The following PRKD1 variants were observed in gnomAD, a reference collection of about 807,000 sequenced individuals.
The protein encoded by PRKD1 is serine/threonine-protein kinase D1.
In PRKD1, 63 loss-of-function variants were observed where a neutral mutation model predicts 95.9. That is an observed-to-expected ratio of 0.66 (90% CI 0.54 to 0.81). The LOEUF is 0.81. Ranked by LOEUF, PRKD1 falls within the 30% of genes least tolerant of loss-of-function variation. The pLI is 0.00. For missense variants in PRKD1, 1,048 were observed against 1,165.3 expected (o/e 0.90, Z 1.47); for synonymous variants, 425 against 423.1 (o/e 1.00, Z -0.05).
chr14:29,873,659 T>C (rs185560981), intron 1 of PRKD1, among the ~76,000 whole-genome samples: 155 of 152,322 alleles, frequency 1.0e-3, no homozygotes, highest in Non-Finnish European at 1.7e-3. Flanking sequence ...ATATGTAAGA[T>C]GCATTTTAGT....
chr14:29,741,086 A>C (rs567066794), intron 1 of PRKD1, among the ~76,000 whole-genome samples: 1 of 152,206 alleles, frequency 6.6e-6, no homozygotes, highest in South Asian at 2.1e-4. Context: ...AAGGAACAAC[A>C]GACATTATTG....
chr14:29,813,980 A>G (rs1228131844), intron 1 of PRKD1, among the ~76,000 whole-genome samples: 2 of 152,222 alleles, frequency 1.3e-5, no homozygotes, highest in Non-Finnish European at 2.9e-5. Context: ...TGGAATTTGA[A>G]TTTCAAAGAT....
intron 1 of PRKD1, among the ~76,000 whole-genome samples, chr14:29,755,199 G>A (rs1887642475): frequency 1.3e-5 from 2 of 151,908 alleles, no homozygotes; most frequent in African/African-American, 4.8e-5. Context: ...TAAGACAGGT[G>A]GTCATTTCAT....
chr14:29,748,601 C>T (rs749898355), intron 1 of PRKD1, among the ~76,000 whole-genome samples: 5 of 152,212 alleles, frequency 3.3e-5, no homozygotes, highest in African/African-American at 9.6e-5. Context: ...CATATGTTTA[C>T]TTGAAGCCCC....
At chr14:29,925,961 A>C (rs1025693711) in intron 1 of PRKD1, among the ~76,000 whole-genome samples, 8 of 152,172 alleles carry the variant, frequency 5.3e-5, no homozygotes, top group African/African-American at 1.9e-4. Flanking sequence ...GCATGATATG[A>C]CTTACATCAG....
intron 2 of PRKD1, among the ~76,000 whole-genome samples, chr14:29,683,075 G>T (rs535305253): frequency 6.6e-6 from 1 of 152,174 alleles, no homozygotes; most frequent in Non-Finnish European, 1.5e-5. Context: ...GATGGTGTGA[G>T]ATCATGGCCA....
chr14:29,808,868 G>T (rs1036375748), intron 1 of PRKD1, among the ~76,000 whole-genome samples: 1 of 152,110 alleles, frequency 6.6e-6, no homozygotes, highest in Non-Finnish European at 1.5e-5. Context: ...ATTCTTAATG[G>T]CATTTAGAAT....
At chr14:29,924,443 A>G (rs1470252174) in intron 1 of PRKD1, among the ~76,000 whole-genome samples, 1 of 152,186 alleles carries the variant, frequency 6.6e-6, no homozygotes, top group Non-Finnish European at 1.5e-5. Flanking sequence ...AGCCTTGTAC[A>G]CCTCAGTTGC....
intron 16 of PRKD1, chr14:29,591,314 C>T (rs964871572): frequency 4.6e-5 from 7 of 151,904 alleles, no homozygotes; most frequent in South Asian, 2.1e-4. Flanking sequence ...GATAAAGATA[C>T]AAAAATATTT....
In PRKD1 at chr14:29,599,764, T is replaced by C. The variant is rs1176099595; in HGVS notation, c.1959A>G (p.Glu653=). ...VNLECMFETP[E]RVFVVMEKLH... ...GTTTTTCCATAACAACAAACACTCT[T>C]TCAGGCGTCTCAAACATACACTCCA... The change falls in exon 14 of 18, where the codon GAA becomes GAG. Residue 653 remains glutamate (E), a synonymous_variant. Transcript: ENST00000331968. 1.2e-6 allele frequency: 2 copies of C among 1,613,184 alleles called. No individual in the cohort carries two copies. Among genetic ancestry groups the C allele is most frequent in the Non-Finnish European group, 1.7e-6 (2 of 1,179,656 alleles).
intron 1 of PRKD1, among the ~76,000 whole-genome samples, chr14:29,914,406 A>G (rs114755619): frequency 1.3e-5 from 2 of 152,248 alleles, no homozygotes; most frequent in African/African-American, 4.8e-5. Context: ...AAGAATAAAC[A>G]TACATATTTG....
intron 4 of PRKD1, among the ~76,000 whole-genome samples, chr14:29,640,519 T>C (rs1046295946): frequency 2.0e-4 from 30 of 152,364 alleles, no homozygotes; most frequent in African/African-American, 6.7e-4. Flanking sequence ...GCATAATTAT[T>C]CTGGAAAGGT....
At chr14:29,720,113 T>G (rs924196933) in intron 2 of PRKD1, among the ~76,000 whole-genome samples, 6 of 152,194 alleles carry the variant, frequency 3.9e-5, no homozygotes, top group Non-Finnish European at 7.4e-5. Flanking sequence ...GCTTAGAGTG[T>G]GAGGAGAAGA....
chr14:29,580,536 T>C (rs1453400523), intron 16 of PRKD1, among the ~76,000 whole-genome samples: 1 of 152,124 alleles, frequency 6.6e-6, no homozygotes, highest in Non-Finnish European at 1.5e-5. Context: ...TATTAAATGT[T>C]AGCACCTATA....
At chr14:29,746,879 C>T (rs2139449105) in intron 1 of PRKD1, among the ~76,000 whole-genome samples, 1 of 152,142 alleles carries the variant, frequency 6.6e-6, no homozygotes, top group Non-Finnish European at 1.5e-5. Context: ...ATAAATATTA[C>T]TCTCAGCTAA....
At chr14:29,897,009 T>C (rs1375667434) in intron 1 of PRKD1, among the ~76,000 whole-genome samples, 1 of 151,848 alleles carries the variant, frequency 6.6e-6, no homozygotes, top group East Asian at 1.9e-4. Context: ...TTTTTTCATA[T>C]TTTATAAAAA....
chr14:29,877,537 G>A (rs550980734), intron 1 of PRKD1, among the ~76,000 whole-genome samples: 1 of 152,286 alleles, frequency 6.6e-6, no homozygotes, highest in East Asian at 1.9e-4. Context: ...GATTGCTGCT[G>A]GCATGTTTGT....
chr14:29,810,219 A>C (rs1196388333), intron 1 of PRKD1, among the ~76,000 whole-genome samples: 1 of 152,228 alleles, frequency 6.6e-6, no homozygotes. Flanking sequence ...AATTACCAAA[A>C]CATGACACAG....
At chr14:29,886,784 G>A (rs1392642831) in intron 1 of PRKD1, among the ~76,000 whole-genome samples, 3 of 152,168 alleles carry the variant, frequency 2.0e-5, no homozygotes, top group Non-Finnish European at 2.9e-5. Context: ...AGTTATTTTG[G>A]AACTGACCAA....
Sources: gnomAD v4.1 joint callset for allele counts (sites outside exome capture counted in the v4.1 genomes callset) on GRCh38, gnomAD v4.1.1 for gene constraint, MANE v1.5 for transcripts, NCBI Gene and HGNC (gene_info 2026-07-23, HGNC 2026-07-21) for gene names.